The following MGAT4C variants were observed in gnomAD, a reference collection of about 807,000 sequenced individuals.
The protein encoded by MGAT4C is alpha-1,3-mannosyl-glycoprotein 4-beta-N-acetylglucosaminyltransferase C.
MGAT4C carries 19 observed loss-of-function variants against 40.1 expected under a neutral mutation model. The observed-to-expected ratio is 0.47, with a 90% CI of 0.33 to 0.70. The LOEUF (loss-of-function observed/expected upper bound fraction) is 0.70, where lower values mean the gene tolerates loss of function less well. MGAT4C is among the 30% of genes least tolerant of loss of function. The pLI, the probability that MGAT4C is intolerant of heterozygous loss-of-function variation, is 0.02. For synonymous variants in MGAT4C, 181 were observed against 187.1 expected (o/e 0.97, Z 0.27); for missense variants, 491 against 563.2 (o/e 0.87, Z 1.30).
chr12:86,724,315 T>A (rs1950787348), intron 2 of MGAT4C, among the ~76,000 whole-genome samples: 1 of 152,224 alleles, frequency 6.6e-6, no homozygotes, highest in East Asian at 1.9e-4. Flanking sequence ...CAAATTGTAA[T>A]GCTTTAATGA....
intron 1 of MGAT4C, among the ~76,000 whole-genome samples, chr12:86,809,681 A>G (rs965466149): frequency 2.0e-5 from 3 of 151,902 alleles, no homozygotes; most frequent in African/African-American, 7.2e-5. Flanking sequence ...TATCCTCTTC[A>G]TAATTTGGGC....
intron 2 of MGAT4C, among the ~76,000 whole-genome samples, chr12:86,622,474 A>G (rs560653179): frequency 6.6e-6 from 1 of 152,258 alleles, no homozygotes; most frequent in African/African-American, 2.4e-5. Context: ...GTCTAGAAAT[A>G]ATTTATTTGC....
chr12:86,317,640 C>T (rs1488486430), intron 4 of MGAT4C, among the ~76,000 whole-genome samples: 1 of 151,880 alleles, frequency 6.6e-6, no homozygotes, highest in Non-Finnish European at 1.5e-5. Context: ...AACCTCTACT[C>T]TTTTGAGAAG....
At chr12:86,297,732 T>C (rs1390492197) in intron 4 of MGAT4C, among the ~76,000 whole-genome samples, 3 of 152,126 alleles carry the variant, frequency 2.0e-5, no homozygotes, top group East Asian at 3.9e-4. Flanking sequence ...AGGTGGTTTA[T>C]GAAAACCCAA....
chr12:86,026,805 T>C (rs1890283260), intron 2 of MGAT4C, among the ~76,000 whole-genome samples: 2 of 151,934 alleles, frequency 1.3e-5, no homozygotes, highest in Non-Finnish European at 2.9e-5. Context: ...GACAGCTTAG[T>C]TAAATGAGCT....
intron 1 of MGAT4C, among the ~76,000 whole-genome samples, chr12:86,157,113 T>G (rs78871311): frequency 0.034 from 4,267 of 124,268 alleles, 92 homozygotes; most frequent in East Asian, 0.05. Context: ...ATAAGGCATT[T>G]TGCTTTAGGC....
chr12:86,739,133 C>CAAAAAAAA (rs59869666), intron 1 of MGAT4C, among the ~76,000 whole-genome samples: 20 of 39,788 alleles, frequency 5.0e-4, no homozygotes, highest in African/African-American at 6.3e-4. Context: ...TTTCCCTGTG[C>CAAAAAAAA]AAAAAAAAAA....
rs187779027 is a variant in MGAT4C, at chr12:86,056,441, T to C, written c.-56-6718A>G. Among the ~76,000 whole-genome samples the C allele has an allele frequency of 2.0e-5, 3 of 152,260 alleles. No homozygotes were observed. The East Asian group carries it at 5.8e-4, about 29-fold the overall frequency. On this transcript the variant is annotated intron_variant, in intron 1 of 4. Transcript: ENST00000611864. Reference sequence around the variant, plus strand: ...ATATTCCCCACCCTGTGTCCAAGTGTTCTCATTGTTCAATTCCCACCTATG... The same window carrying C: ...ATATTCCCCACCCTGTGTCCAAGTGCTCTCATTGTTCAATTCCCACCTATG...
At chr12:86,075,524 C>G (rs1476883390) in intron 1 of MGAT4C, among the ~76,000 whole-genome samples, 1 of 152,176 alleles carries the variant, frequency 6.6e-6, no homozygotes, top group Non-Finnish European at 1.5e-5. Flanking sequence ...ACAGCTCCAC[C>G]AGGCTGTGCC....
intron 1 of MGAT4C, among the ~76,000 whole-genome samples, chr12:86,758,594 C>A (rs1951347059): frequency 6.6e-6 from 1 of 151,672 alleles, no homozygotes; most frequent in Non-Finnish European, 1.5e-5. Context: ...CAGATAAGTG[C>A]CAAAATCAAA....
intron 2 of MGAT4C, among the ~76,000 whole-genome samples, chr12:86,452,078 C>T (rs1957432085): frequency 6.6e-6 from 1 of 151,984 alleles, no homozygotes; most frequent in Non-Finnish European, 1.5e-5. Context: ...AACTCGTGGG[C>T]AAATCACCTG....
chr12:86,203,002 T>A (rs1049584069), intron 1 of MGAT4C, among the ~76,000 whole-genome samples: 3 of 142,158 alleles, frequency 2.1e-5, no homozygotes, highest in Non-Finnish European at 4.6e-5. Flanking sequence ...GCTAAGTATA[T>A]GTCACATTTT....
chr12:86,288,058 G>A (rs1953400663), intron 4 of MGAT4C, among the ~76,000 whole-genome samples: 1 of 152,106 alleles, frequency 6.6e-6, no homozygotes, highest in Non-Finnish European at 1.5e-5. Flanking sequence ...GGCATGAGAT[G>A]GTATCTCGTT....
chr12:86,063,310 A>C (rs1894181763), intron 1 of MGAT4C, among the ~76,000 whole-genome samples: 1 of 152,184 alleles, frequency 6.6e-6, no homozygotes, highest in South Asian at 2.1e-4. Flanking sequence ...AATCCTTCAC[A>C]GACAAGCAAA....
At chr12:86,136,141 A>T (rs1881914586) in intron 1 of MGAT4C, among the ~76,000 whole-genome samples, 1 of 152,196 alleles carries the variant, frequency 6.6e-6, no homozygotes, top group South Asian at 2.1e-4. Flanking sequence ...ATATCCATAA[A>T]ATAATCACTC....
intron 1 of MGAT4C, among the ~76,000 whole-genome samples, chr12:86,070,497 T>C (rs1305126286): frequency 6.6e-6 from 1 of 152,082 alleles, no homozygotes; most frequent in Admixed American, 6.6e-5. Flanking sequence ...TCAACCAAGA[T>C]ATTCAGCAGC....
At chr12:86,082,013 G>A (rs1280538355) in intron 1 of MGAT4C, among the ~76,000 whole-genome samples, 3 of 152,136 alleles carry the variant, frequency 2.0e-5, no homozygotes, top group African/African-American at 2.4e-5. Flanking sequence ...GGGACCCCTT[G>A]CCCAGTGGGA....
intron 2 of MGAT4C, among the ~76,000 whole-genome samples, chr12:86,571,105 G>A (rs1380935036): frequency 6.6e-6 from 1 of 151,980 alleles, no homozygotes; most frequent in African/African-American, 2.4e-5. Context: ...GTGAGCTACC[G>A]GTGCCTGCCC....
chr12:86,457,989 A>G (rs1051240130), intron 2 of MGAT4C, among the ~76,000 whole-genome samples: 4 of 152,062 alleles, frequency 2.6e-5, no homozygotes, highest in Non-Finnish European at 5.9e-5. Flanking sequence ...CTCAAGATTA[A>G]AAGTCAGAGA....
Sources: gnomAD v4.1 joint callset for allele counts (sites outside exome capture counted in the v4.1 genomes callset) on GRCh38, gnomAD v4.1.1 for gene constraint, MANE v1.5 for transcripts, NCBI Gene and HGNC (gene_info 2026-07-23, HGNC 2026-07-21) for gene names.